DIP2C: variants seen among roughly 807,000 people sequenced by gnomAD.
DIP2C encodes the protein disco-interacting protein 2 homolog C.
A neutral mutation model predicts 192.4 loss-of-function variants in DIP2C; 33 were observed. That is an observed-to-expected ratio of 0.17 (90% CI 0.13 to 0.23). The LOEUF is 0.23. Ranked by LOEUF, DIP2C falls within the 10% of genes least tolerant of loss-of-function variation. The pLI is 1.00. For missense variants in DIP2C, 1,537 were observed against 2,110.1 expected (o/e 0.73, Z 5.32); for synonymous variants, 979 against 864.1 (o/e 1.13, Z -2.33).
chr10:499,422 G>A (rs1845075461), intron 1 of DIP2C, among the ~76,000 whole-genome samples: 1 of 152,220 alleles, frequency 6.6e-6, no homozygotes, highest in African/African-American at 2.4e-5. Context: ...CAGTTTGATT[G>A]ACTCACAGTT....
intron 2 of DIP2C, among the ~76,000 whole-genome samples, chr10:483,809 C>G (rs998729742): frequency 1.3e-5 from 2 of 151,904 alleles, no homozygotes; most frequent in Non-Finnish European, 2.9e-5. Flanking sequence ...GCCTCTATGA[C>G]TTCATTTTAC....
chr10:382,583 C>G, intron 17 of DIP2C, 64 bp downstream of exon 17: 1 of 1,300,854 alleles, frequency 7.7e-7, no homozygotes, highest in Non-Finnish European at 1.1e-6. Flanking sequence ...ATTTCCTGAT[C>G]TCCCTTCGCT....
At chr10:404,311 C>T (rs958309670) in intron 9 of DIP2C, among the ~76,000 whole-genome samples, 8 of 151,634 alleles carry the variant, frequency 5.3e-5, no homozygotes, top group Non-Finnish European at 1.2e-4. Context: ...CCGGTTCAAG[C>T]GATTCTCTTG....
At chr10:646,958 T>C (rs1049178169) in intron 1 of DIP2C, among the ~76,000 whole-genome samples, 2 of 152,276 alleles carry the variant, frequency 1.3e-5, no homozygotes, top group Admixed American at 6.5e-5. Context: ...ACAATGTTTC[T>C]TCCTTTCCTG....
chr10:281,335 T>C lies in DIP2C; in HGVS notation c.4295-12A>G, dbSNP rs750819825. The C allele has an allele frequency of 1.9e-5, 30 of 1,600,346 alleles. No homozygotes were observed. The highest frequency in any genetic ancestry group is 2.5e-5 in the Non-Finnish European group (29 of 1,170,050). ...GGCATCATGGCGCTCTGTGGAGTAA[T>C]GACAGCCTGCGTAAGCTTCCCCATA... On this transcript the variant is annotated splice_polypyrimidine_tract_variant and intron_variant, in intron 35 of 36. Coordinates refer to ENST00000280886, the MANE Select transcript of DIP2C (RefSeq NM_014974.3).
intron 1 of DIP2C, among the ~76,000 whole-genome samples, chr10:618,041 TTG>T (rs1306595508): frequency 1.3e-5 from 2 of 152,210 alleles, no homozygotes; most frequent in Admixed American, 6.5e-5. Context: ...CACTCTGTGA[TTG>T]TGTGTTTAAA....
chr10:323,982 A>G (rs1292320970), intron 31 of DIP2C, among the ~76,000 whole-genome samples: 1 of 152,088 alleles, frequency 6.6e-6, no homozygotes, highest in Non-Finnish European at 1.5e-5. Flanking sequence ...TCCAAAGACC[A>G]GCTCTGCCTG....
intron 1 of DIP2C, among the ~76,000 whole-genome samples, chr10:561,874 C>T (rs1363338701): frequency 6.6e-6 from 1 of 152,212 alleles, no homozygotes; most frequent in Admixed American, 6.5e-5. Context: ...TGGAGGTCAG[C>T]CAAGGCCATC....
chr10:682,279 C>A (rs61567237), intron 1 of DIP2C, among the ~76,000 whole-genome samples: 5,941 of 152,240 alleles, frequency 0.039, 338 homozygotes, highest in African/African-American at 0.13. Context: ...ACCAGTGAAC[C>A]CCAGGGGAGC....
intron 1 of DIP2C, among the ~76,000 whole-genome samples, chr10:548,221 C>A (rs1393335045): frequency 7.7e-6 from 1 of 129,178 alleles, no homozygotes; most frequent in Non-Finnish European, 1.7e-5. Flanking sequence ...CCCCCCCCCA[C>A]AGGAAAGCCC....
intron 1 of DIP2C, among the ~76,000 whole-genome samples, chr10:531,794 G>A (rs950543405): frequency 1.3e-5 from 2 of 152,088 alleles, no homozygotes; most frequent in South Asian, 4.1e-4. Flanking sequence ...CTGCCTCGAC[G>A]GGTGCCCGTG....
intron 36 of DIP2C, among the ~76,000 whole-genome samples, chr10:278,338 G>GAA (rs1271406168): frequency 3.3e-5 from 5 of 152,240 alleles, no homozygotes; most frequent in African/African-American, 1.2e-4. Flanking sequence ...CCTGGGGCTT[G>GAA]GGCTCAGCAT....
At chr10:373,361 CAAAGTTT>C in intron 17 of DIP2C, among the ~76,000 whole-genome samples, 1 of 152,246 alleles carries the variant, frequency 6.6e-6, no homozygotes, top group South Asian at 2.1e-4. Context: ...TTTTTAATGT[CAAAGTTT>C]AGACTCCTAG....
At chr10:649,855 G>A in intron 1 of DIP2C, 1 of 518,698 alleles carries the variant, frequency 1.9e-6, no homozygotes, top group Non-Finnish European at 3.4e-6. Context: ...AGTAAGAGAA[G>A]CATGCCTTAT....
At chr10:346,812 G>C (rs1189047489) in intron 26 of DIP2C, among the ~76,000 whole-genome samples, 1 of 44,842 alleles carries the variant, frequency 2.2e-5, no homozygotes, top group African/African-American at 1.1e-4. Flanking sequence ...TCCCGGAAAC[G>C]TCACACGCAC....
At chr10:391,114 G>C (rs977077799) in intron 10 of DIP2C, among the ~76,000 whole-genome samples, 1 of 152,234 alleles carries the variant, frequency 6.6e-6, no homozygotes, top group Non-Finnish European at 1.5e-5. Context: ...AGAAGAGGGT[G>C]TGGAAAGTGC....
At chr10:398,996 G>T in intron 10 of DIP2C, 113 bp downstream of exon 10, 1 of 899,248 alleles carries the variant, frequency 1.1e-6, no homozygotes, top group Non-Finnish European at 1.7e-6. Context: ...CGAGGCAACC[G>T]AAGGAAACCC....
At chr10:471,227 G>T (rs538921371) in intron 3 of DIP2C, among the ~76,000 whole-genome samples, 1 of 152,260 alleles carries the variant, frequency 6.6e-6, no homozygotes, top group South Asian at 2.1e-4. Flanking sequence ...CAGGCTCTCA[G>T]GTGTGTCCTC....
intron 1 of DIP2C, among the ~76,000 whole-genome samples, chr10:501,387 GAGT>G (rs1845217303): frequency 1.3e-5 from 2 of 152,156 alleles, no homozygotes; most frequent in Admixed American, 6.5e-5. Flanking sequence ...GATACATTAT[GAGT>G]AGAACTTGTT....
Sources: gnomAD v4.1 joint callset for allele counts (sites outside exome capture counted in the v4.1 genomes callset) on GRCh38, gnomAD v4.1.1 for gene constraint, MANE v1.5 for transcripts, NCBI Gene and HGNC (gene_info 2026-07-23, HGNC 2026-07-21) for gene names.